EPM2A: variants seen among roughly 807,000 people sequenced by gnomAD.
EPM2A encodes the protein laforin.
A neutral mutation model predicts 26.5 loss-of-function variants in EPM2A; 21 were observed. The ratio of observed to expected loss-of-function variants is 0.79; its 90% CI spans 0.56 to 1.14. The LOEUF is 1.14. Among genes scored for constraint, EPM2A ranks in the 50% most tolerant of loss-of-function variants. The probability of loss-of-function intolerance (pLI) is 0.00; values close to 1 mark genes in which losing one functional copy is unlikely to be tolerated. For missense variants in EPM2A, 458 were observed against 440.8 expected, an observed-to-expected ratio of 1.04 and a Z score of -0.35; for synonymous variants, 217 against 177.6, an observed-to-expected ratio of 1.22 and a Z score of -1.76.
intron 1 of EPM2A, among the ~76,000 whole-genome samples, chr6:145,706,523 C>A (rs1782230504): frequency 6.6e-6 from 1 of 152,256 alleles, no homozygotes; most frequent in Non-Finnish European, 1.5e-5. Context: ...AAGTCTCAGA[C>A]AAGAAGCTCT....
chr6:145,571,400 C>G (rs181847279), intron 2 of EPM2A, among the ~76,000 whole-genome samples: 2 of 152,230 alleles, frequency 1.3e-5, no homozygotes, highest in East Asian at 3.9e-4. Flanking sequence ...CTTCTTTAGC[C>G]GTAAAGTTAG....
chr6:145,468,218 C>G (rs1779425666), intron 4 of EPM2A, among the ~76,000 whole-genome samples: 1 of 151,984 alleles, frequency 6.6e-6, no homozygotes. Context: ...TTTCCTGTTA[C>G]CTGTTTTATT....
chr6:145,681,147 G>C (rs895740050), intron 2 of EPM2A, among the ~76,000 whole-genome samples: 1 of 152,040 alleles, frequency 6.6e-6, no homozygotes, highest in Non-Finnish European at 1.5e-5. Context: ...GGCCAGTGAT[G>C]ATGAGCATTT....
At chr6:145,717,453 T>C (rs1057341240) in intron 1 of EPM2A, among the ~76,000 whole-genome samples, 2 of 152,264 alleles carry the variant, frequency 1.3e-5, no homozygotes, top group South Asian at 2.1e-4. Flanking sequence ...AATTAGGTAT[T>C]GATGGGACGT....
chr6:145,413,065 G>A (rs949116997), intron 4 of EPM2A, among the ~76,000 whole-genome samples: 2 of 152,156 alleles, frequency 1.3e-5, no homozygotes, highest in African/African-American at 2.4e-5. Context: ...TTTTACTAAG[G>A]GGGATGAAAT....
chr6:145,564,772 G>GT (rs1491290411), intron 2 of EPM2A, among the ~76,000 whole-genome samples: 3 of 118,022 alleles, frequency 2.5e-5, no homozygotes, highest in Non-Finnish European at 5.3e-5. Flanking sequence ...TGGGTATATG[G>GT]TGGGGGGGGG....
At chr6:145,671,194 TAAAAAA>T in intron 2 of EPM2A, 2 of 813,054 alleles carry the variant, frequency 2.5e-6, no homozygotes, top group Non-Finnish European at 3.0e-6. Context: ...GCGAGCAAAG[TAAAAAA>T]AAAAAAATCT....
chr6:145,507,408 G>T (rs1198561294), intron 2 of EPM2A, among the ~76,000 whole-genome samples: 1 of 152,158 alleles, frequency 6.6e-6, no homozygotes. Flanking sequence ...CAGCTGAAAA[G>T]GTGTGTGGGA....
chr6:145,646,427 C>T lies in EPM2A; in HGVS notation c.477-10941G>A, dbSNP rs368259871. ...TCCTGACCTTGTGTTCTGCCCACCT[C>T]GGCCTCCCAAAGTGCTGGGATTACA... On this transcript the variant is annotated intron_variant, in intron 2 of 3. Transcript: ENST00000367519. Among the ~76,000 whole-genome samples, 143 of 152,130 alleles carry T rather than the reference C, an allele frequency of 9.4e-4. 1 individual carries two copies. Among genetic ancestry groups the T allele is most frequent in the African/African-American group, 3.2e-3 (133 of 41,502 alleles).
chr6:145,635,584 T>G, intron 2 of EPM2A, 98 bp from the exon 3 acceptor site: 2 of 1,199,232 alleles, frequency 1.7e-6, no homozygotes, highest in Non-Finnish European at 2.5e-6. Context: ...TAACTAACCT[T>G]TAAGTCTGGC....
rs144695724 is a variant in EPM2A, at chr6:145,651,014, G to T, written c.477-15528C>A. On this transcript the variant is annotated intron_variant, in intron 2 of 3. Coordinates refer to ENST00000367519, the MANE Select transcript of EPM2A (RefSeq NM_005670.4). ...TGCAGTAAAGAATCTGCCGCATCCT[G>T]CATGGATAGCAACCCTGATGAAATT... 1.5e-3 allele frequency among the ~76,000 whole-genome samples: 228 copies of T among 152,296 alleles called. 1 individual carries two copies. The highest frequency in any genetic ancestry group is 5.2e-3 in the African/African-American group (218 of 41,554).
intron 4 of EPM2A, among the ~76,000 whole-genome samples, chr6:145,465,810 A>G (rs1458139937): frequency 6.6e-6 from 1 of 152,086 alleles, no homozygotes; most frequent in African/African-American, 2.4e-5. Flanking sequence ...ATGGAACAGA[A>G]CAGAGGCCTC....
In EPM2A at chr6:145,635,317, T is replaced by C; in HGVS notation, c.646A>G (p.Thr216Ala). The change falls in exon 3 of 4, where the codon ACT becomes GCT. Residue 216 changes from threonine (T) to alanine (A), a missense_variant. Thr to Ala is a moderately conservative substitution (Grantham distance 58). Coordinates refer to ENST00000367519, the MANE Select transcript of EPM2A (RefSeq NM_005670.4). ...TCTTCCCTATATAGTTTAATCATAG[T>C]GTCTGGAGTCATGGGCTCTGGGTAG... ...NRYPEPMTPD[T>A]MIKLYREEGL... The C allele has an allele frequency of 6.2e-7, 1 of 1,614,130 alleles. No homozygotes were observed. The highest frequency in any genetic ancestry group is 8.5e-7 in the Non-Finnish European group (1 of 1,179,970).
chr6:145,679,010 T>A (rs1409135481), intron 2 of EPM2A, among the ~76,000 whole-genome samples: 6 of 152,162 alleles, frequency 3.9e-5, no homozygotes, highest in Admixed American at 1.3e-4. Context: ...CAAATGTCCA[T>A]CAATGATAGA....
At chr6:145,476,662 C>A (rs1779547007) in intron 4 of EPM2A, among the ~76,000 whole-genome samples, 1 of 151,940 alleles carries the variant, frequency 6.6e-6, no homozygotes, top group East Asian at 1.9e-4. Context: ...GGGAACTATA[C>A]AAATACATAA....
intron 2 of EPM2A, among the ~76,000 whole-genome samples, chr6:145,644,669 T>C (rs760325816): frequency 2.4e-4 from 37 of 152,030 alleles, no homozygotes; most frequent in Non-Finnish European, 4.4e-4. Context: ...AGGATAAATA[T>C]TATATTTTTA....
chr6:145,708,324 A>C (rs1782341739), intron 1 of EPM2A, among the ~76,000 whole-genome samples: 1 of 152,208 alleles, frequency 6.6e-6, no homozygotes, highest in Non-Finnish European at 1.5e-5. Context: ...AATGGGGAAA[A>C]TGTCTCCAGG....
intron 2 of EPM2A, among the ~76,000 whole-genome samples, chr6:145,678,009 T>A (rs1238330721): frequency 1.3e-5 from 2 of 152,170 alleles, no homozygotes; most frequent in Non-Finnish European, 1.5e-5. Flanking sequence ...GGAGGCATCA[T>A]GCTACCTGAC....
At chr6:145,487,343 T>C (rs896637925) in intron 4 of EPM2A, among the ~76,000 whole-genome samples, 1 of 152,190 alleles carries the variant, frequency 6.6e-6, no homozygotes, top group African/African-American at 2.4e-5. Context: ...CATATGTTCC[T>C]TTGTATACAT....
Sources: gnomAD v4.1 joint callset for allele counts (sites outside exome capture counted in the v4.1 genomes callset) on GRCh38, gnomAD v4.1.1 for gene constraint, MANE v1.5 for transcripts, NCBI Gene and HGNC (gene_info 2026-07-23, HGNC 2026-07-21) for gene names.